Variants in HPS5 observed in about 807,000 individuals in gnomAD.
HPS5 encodes BLOC-2 complex member HPS5.
Under a neutral mutation model 128.0 loss-of-function variants are expected in HPS5, and 83 were observed. That is an observed-to-expected ratio of 0.65 (90% confidence interval 0.54 to 0.78). The LOEUF is 0.78. Ranked by LOEUF, HPS5 falls within the 30% of genes least tolerant of loss-of-function variation. The pLI is 0.00. For missense variants in HPS5, 1,281 were observed against 1,326.2 expected, an observed-to-expected ratio of 0.97 and a Z score of 0.53; for synonymous variants, 475 against 470.2, an observed-to-expected ratio of 1.01 and a Z score of -0.13.
intron 12 of HPS5, 34 bp downstream of exon 12, chr11:18,296,764 C>T (rs1337568412): frequency 6.3e-7 from 1 of 1,597,158 alleles, no homozygotes; most frequent in Non-Finnish European, 8.6e-7. Context: ...ATAATGGCTT[C>T]ACATCAGGAA....
chr11:18,296,993 T>C lies in HPS5; in HGVS notation c.1324-9A>G. ...AAGATGCTGAAACTTTCCTAAAAAT[T>C]AAAAGAATTCAAAAAAAAAAAAAGG... On this transcript the variant is annotated splice_polypyrimidine_tract_variant and intron_variant, in intron 11 of 22. Transcript: ENST00000349215. The C allele has an allele frequency of 6.6e-7, 1 of 1,524,978 alleles. No individual in the cohort carries two copies. The highest frequency in any genetic ancestry group is 8.9e-7 in the Non-Finnish European group (1 of 1,117,904). The allele number at this position is 1,524,978 out of a possible 1,614,324, so 94.5% of individuals were successfully genotyped here.
At chr11:18,314,771 G>C (rs1340884913) in intron 2 of HPS5, among the ~76,000 whole-genome samples, 3 of 152,050 alleles carry the variant, frequency 2.0e-5, no homozygotes, top group African/African-American at 7.2e-5. Context: ...AGCTATCACA[G>C]CTCACTGTAG....
rs1240960866 is a variant in HPS5, at chr11:18,306,220, C to A, written c.739G>T (p.Glu247Ter). The A allele has an allele frequency of 6.2e-7, 1 of 1,613,976 alleles. No homozygotes were observed. The highest frequency in any genetic ancestry group is 1.1e-5 in the South Asian group (1 of 91,084). Residue 247 changes from glutamate (E) to a stop codon, truncating the protein, a stop_gained, in exon 7 of 23, where the codon GAA becomes TAA. Transcript: ENST00000349215. LOFTEE classifies it high-confidence loss of function. ...YCARPGSRMW[E>*]VNFDGEVIST... ...ATAACTTCTCCATCAAAGTTCACTT[C>A]CCACATCCTAGAGCCTGGGCGAGCA...
At chr11:18,281,029 T>A (rs1858826730) in intron 22 of HPS5, among the ~76,000 whole-genome samples, 1 of 151,622 alleles carries the variant, frequency 6.6e-6, no homozygotes, top group Admixed American at 6.6e-5. Context: ...AAATTTTATG[T>A]GTATTATACC....
chr11:18,293,115 G>A (rs973355489), intron 14 of HPS5, 139 bp from the exon 15 acceptor site: 9 of 720,886 alleles, frequency 1.2e-5, no homozygotes, highest in Middle Eastern at 2.6e-4. Flanking sequence ...TCCGCCTCCC[G>A]GGTTCAAGCA....
chr11:18,318,022 T>A, intron 1 of HPS5, 115 bp from the exon 2 acceptor site: 1 of 735,376 alleles, frequency 1.4e-6, no homozygotes, highest in Admixed American at 2.6e-5. Flanking sequence ...ATACAGGGAC[T>A]TAGAAAGAAA....
intron 2 of HPS5, among the ~76,000 whole-genome samples, chr11:18,316,031 AAGGCACATGATTGCTTGAGGCC>A (rs1001975265): frequency 1.3e-5 from 2 of 152,214 alleles, no homozygotes; most frequent in Admixed American, 6.5e-5. Context: ...GCCAAAGGCC[AAGGCACATGATTGCTTGAGGCC>A]AGGAGTTCGA....
intron 20 of HPS5, among the ~76,000 whole-genome samples, chr11:18,285,080 T>A (rs1218541347): frequency 6.7e-6 from 1 of 149,714 alleles, no homozygotes; most frequent in Non-Finnish European, 1.5e-5. Context: ...ACTATCTACA[T>A]GCCTGAGAAC....
intron 4 of HPS5, among the ~76,000 whole-genome samples, 176 bp from the exon 5 acceptor site, chr11:18,311,109 TAGG>T (rs1181137726): frequency 6.6e-6 from 1 of 152,226 alleles, no homozygotes; most frequent in Admixed American, 6.5e-5. Flanking sequence ...ACCAGTTTAA[TAGG>T]AGAAGTTAAA....
At chr11:18,285,031 A>T (rs888047278) in intron 20 of HPS5, among the ~76,000 whole-genome samples, 2 of 152,108 alleles carry the variant, frequency 1.3e-5, no homozygotes, top group South Asian at 2.1e-4. Context: ...AAGTCTATCA[A>T]TTATAATTGG....
intron 2 of HPS5, among the ~76,000 whole-genome samples, chr11:18,315,717 A>G (rs1049059340): frequency 6.6e-6 from 1 of 152,208 alleles, no homozygotes; most frequent in African/African-American, 2.4e-5. Context: ...TCAAATAACC[A>G]GGAAAAATCA....
chr11:18,312,256 C>G (rs1188300368), intron 2 of HPS5, among the ~76,000 whole-genome samples: 1 of 152,168 alleles, frequency 6.6e-6, no homozygotes, highest in African/African-American at 2.4e-5. Context: ...GCTGAATAGG[C>G]TCCATTGTAT....
rs1862675705 is a variant in HPS5 at position 18,309,051 on chromosome 11, A to G, written c.506T>C (p.Val169Ala). The G allele has an allele frequency of 3.7e-6, 6 of 1,613,980 alleles. No individual in the cohort carries two copies. The highest frequency in any genetic ancestry group is 5.1e-6 in the Non-Finnish European group (6 of 1,179,954). ...GGAGTCAACAGTTGTGATTGTCTGA[A>G]CAGGAAACATCACAAAAGCAGCAGC... ...KAAAAFVMFPVQTITTVDSCV... is the reference protein window; with the variant it reads ...KAAAAFVMFPAQTITTVDSCV... Residue 169 changes from valine (V) to alanine (A), a missense_variant, in exon 6 of 23, where the codon GTT (valine) becomes GCT (alanine). Val to Ala is a moderately conservative substitution (Grantham distance 64, BLOSUM62 0). Transcript: ENST00000349215.
chr11:18,302,952 G>A lies in HPS5; in HGVS notation c.897-2036C>T, dbSNP rs75019851. ...CTAGATTAGATGGGGGGCTGAGGAC[G>A]GGAACTTAGATAAAAGCTGATACTT... On this transcript the variant is annotated intron_variant, in intron 8 of 22. Coordinates refer to ENST00000349215, the MANE Select transcript of HPS5 (RefSeq NM_181507.2). 2.4e-3 allele frequency among the ~76,000 whole-genome samples: 363 copies of A among 151,720 alleles called. 3 individuals are homozygous for A. Among genetic ancestry groups the A allele is most frequent in the African/African-American group, 8.6e-3 (355 of 41,368 alleles).
intron 8 of HPS5, among the ~76,000 whole-genome samples, chr11:18,304,703 A>G (rs1389125157): frequency 6.6e-6 from 1 of 152,234 alleles, no homozygotes; most frequent in Non-Finnish European, 1.5e-5. Context: ...AACTTCATAC[A>G]ATATTTGCTG....
At chr11:18,283,668 T>C in intron 21 of HPS5, 127 bp downstream of exon 21, 1 of 719,994 alleles carries the variant, frequency 1.4e-6, no homozygotes. Context: ...TCCACAAATG[T>C]GACAACTAAG....
intron 9 of HPS5, among the ~76,000 whole-genome samples, chr11:18,300,298 G>A (rs1163858923): frequency 1.3e-5 from 2 of 151,934 alleles, no homozygotes; most frequent in East Asian, 1.9e-4. Context: ...TAAATAAAAT[G>A]ACTCATGAAA....
At chr11:18,312,216 T>C (rs1176697857) in intron 2 of HPS5, among the ~76,000 whole-genome samples, 192 bp from the exon 3 acceptor site, 1 of 152,240 alleles carries the variant, frequency 6.6e-6, no homozygotes, top group East Asian at 1.9e-4. Flanking sequence ...GAACATTTTG[T>C]TTTTAAACTT....
chr11:18,282,941 A>T (rs1305866685), intron 21 of HPS5, among the ~76,000 whole-genome samples: 1 of 152,168 alleles, frequency 6.6e-6, no homozygotes, highest in Non-Finnish European at 1.5e-5. Context: ...TGCATTTCTG[A>T]TAAAGGAAAC....
Sources: allele counts gnomAD v4.1 joint callset (sites outside exome capture counted in the v4.1 genomes callset), GRCh38; gene constraint gnomAD v4.1.1; transcripts MANE v1.5; gene names NCBI Gene and HGNC (gene_info 2026-07-23, HGNC 2026-07-21).